The following LCT variants were observed in gnomAD, a reference collection of about 807,000 sequenced individuals.
The protein encoded by LCT is lactase/phlorizin hydrolase.
Under a neutral mutation model 173.0 loss-of-function variants are expected in LCT, and 90 were observed. The ratio of observed to expected loss-of-function variants is 0.52; its 90% CI spans 0.44 to 0.62. The LOEUF (loss-of-function observed/expected upper bound fraction) is 0.62, where lower values mean the gene tolerates loss of function less well. LCT is among the 20% of genes least tolerant of loss of function. The pLI, the probability that LCT is intolerant of heterozygous loss-of-function variation, is 0.00. For synonymous variants in LCT, 853 were observed against 957.6 expected (o/e 0.89, Z 2.02); for missense variants, 1,864 against 2,431.4 (o/e 0.77, Z 4.91).
Position 135,807,259 on chromosome 2 carries a change from C to A in LCT, c.4042G>T (p.Ala1348Ser). The A allele has an allele frequency of 6.2e-7, 1 of 1,614,222 alleles. No individual in the cohort carries two copies. The highest frequency in any genetic ancestry group is 8.5e-7 in the Non-Finnish European group (1 of 1,180,046). ...DFNNTNRPRT[A>S]RASARYYTEV... is the part of the protein sequence containing the mutation. ...GTGTAGTACCTGGCGGAGGCTCTTG[C>A]TGTGCGAGGCCTGTTCGTGTTGTTG... The change falls in exon 9 of 17, where the codon GCA becomes TCA. Residue 1348 changes from alanine to serine, a missense_variant. Transcript: ENST00000264162.
intron 4 of LCT, chr2:135,822,430 T>A (rs1299848385): frequency 6.4e-6 from 2 of 311,534 alleles, no homozygotes; most frequent in Non-Finnish European, 1.2e-5. Flanking sequence ...AGCTCCCAGG[T>A]GATGCTAATG....
rs1330876747 is a variant in LCT at position 135,812,624 on chromosome 2, A to G, written c.2040T>C (p.Phe680=). The G allele has an allele frequency of 6.2e-7, 1 of 1,610,978 alleles. No homozygotes were observed. The highest frequency in any genetic ancestry group is 8.5e-7 in the Non-Finnish European group (1 of 1,177,310). ...GGGAGGTGTAATGCGACAGACCCAGAAAATCAGCAGAGCCTTTCAGGAGCT... is the reference window on the plus strand; with the variant it reads ...GGGAGGTGTAATGCGACAGACCCAGGAAATCAGCAGAGCCTTTCAGGAGCT... ...EKQLLKGSAD[F]LGLSHYTSRL... The change falls in exon 7 of 17, where the codon TTT becomes TTC. Residue 680 remains phenylalanine (F), a synonymous_variant. Coordinates refer to ENST00000264162, the MANE Select transcript of LCT (RefSeq NM_002299.4).
chr2:135,790,515 A>G lies in LCT; in HGVS notation c.5335+143T>C. 1.6e-6 allele frequency: 1 copy of G among 643,114 alleles called. No individual in the cohort carries two copies. Among genetic ancestry groups the G allele is most frequent in the Non-Finnish European group, 2.8e-6 (1 of 362,616 alleles). The allele number at this position is 643,114 out of a possible 1,614,324, so 39.8% of individuals were successfully genotyped here. A position where few individuals can be genotyped will look rare whatever the true frequency, so the allele number is the denominator to read the frequency against. The stretch of plus-strand genomic sequence containing the variant: ...AAAAAAACTCAGAGTGCGGCCCTAA[A>G]GCAAAGCTTAACCCCCACAGGAGCA... On this transcript the variant is annotated intron_variant, in intron 15 of 16. Transcript: ENST00000264162. This position sits in a 1 kb window ranked among gnomAD's most constrained non-coding sequence, Gnocchi z 4.1.
intron 3 of LCT, among the ~76,000 whole-genome samples, chr2:135,829,014 A>C (rs2077910189): frequency 1.3e-5 from 2 of 152,114 alleles, no homozygotes; most frequent in Non-Finnish European, 2.9e-5. Context: ...AACATGGTGA[A>C]TCCTTGCCTC....
At chr2:135,789,897 G>T (rs756373932) in intron 15 of LCT, 99 bp from the exon 16 acceptor site, 2 of 907,742 alleles carry the variant, frequency 2.2e-6, no homozygotes, top group Non-Finnish European at 1.9e-6. Context: ...TCTCCCCACC[G>T]CCTTCACAGA....
rs2077552405 is a variant in LCT, at chr2:135,793,718, T to TA, written c.5111+922dup. Among the ~76,000 whole-genome samples the TA allele has an allele frequency of 1.3e-5, 2 of 152,004 alleles. 1 individual carries two copies. Reference sequence around the variant, plus strand: ...AGGTGAAAATTAACTTAGAGAAATTTAAAAAACAATACAGGATATGGATGA... The same window carrying TA: ...AGGTGAAAATTAACTTAGAGAAATTTAAAAAAACAATACAGGATATGGATGA... On this transcript the variant is annotated intron_variant, in intron 14 of 16. Transcript: ENST00000264162.
At position 135,836,576 on chromosome 2, in the gene LCT, G is replaced by A. The variant is rs532311405; in HGVS notation, c.594C>T (p.Ala198=). ...GGTAAATCTCATAGGCTTTTCTGTG[G>A]GCATCACTGAGGGTCTGGAGTTGTG... ...RASQLQTLSD[A]HRKAYEIYHE... The change falls in exon 1 of 17, where the codon GCC becomes GCT. Residue 198 remains alanine, a synonymous_variant. Coordinates refer to ENST00000264162, the MANE Select transcript of LCT (RefSeq NM_002299.4). 4 of 1,613,988 alleles carry A rather than the reference G, an allele frequency of 2.5e-6. No homozygotes were observed. The highest frequency in any genetic ancestry group is 4.5e-5 in the East Asian group (2 of 44,872).
chr2:135,808,968 G>A lies in LCT; in HGVS notation c.3379C>T (p.His1127Tyr), dbSNP rs758050917. Reference protein sequence around the residue: ...KGVISLSLSTHWAEPKSPGVP... With the variant: ...KGVISLSLSTYWAEPKSPGVP... ...CCTGGTGACTTGGGCTCTGCCCAGT[G>A]TGTACTGAGGCTCAGCGAGATGACC... is the stretch of plus-strand genomic sequence containing the variant. Residue 1127 changes from histidine (H) to tyrosine (Y), a missense_variant, in exon 8 of 17, where the codon CAC becomes TAC. This residue lies in a region of LCT where 755 missense variants were observed against 926.3 expected (regional missense o/e 0.82). Coordinates refer to ENST00000264162, the MANE Select transcript of LCT (RefSeq NM_002299.4). The A allele has an allele frequency of 6.2e-7, 1 of 1,613,124 alleles. No homozygotes were observed. The highest frequency in any genetic ancestry group is 8.5e-7 in the Non-Finnish European group (1 of 1,179,252).
chr2:135,798,190 G>A (rs1208224378), intron 12 of LCT, 52 bp from the exon 13 acceptor site: 2 of 944,926 alleles, frequency 2.1e-6, no homozygotes, highest in Admixed American at 3.4e-5. Flanking sequence ...GGCACAGCAA[G>A]AGACAGCATC....
rs569809113 is a variant in LCT at position 135,817,588 on chromosome 2, G to A, written c.1460C>T (p.Ala487Val). 1.2e-5 allele frequency: 20 copies of A among 1,614,054 alleles called. No individual in the cohort carries two copies. The highest frequency in any genetic ancestry group is 5.5e-5 in the South Asian group (5 of 91,082). ...YNKLIDRLQD[A>V]GIEPMATLFH... The stretch of plus-strand genomic sequence containing the variant: ...CAGCGTGGCCATGGGCTCGATGCCC[G>A]CATCCTGTAGCCTGTCAATCAGCTT... Residue 487 changes from alanine to valine, a missense_variant, in exon 6 of 17, where the codon GCG becomes GTG. Coordinates refer to ENST00000264162, the MANE Select transcript of LCT (RefSeq NM_002299.4).
At position 135,817,742 on chromosome 2, in the gene LCT, C is replaced by A. The variant is rs1388191739; in HGVS notation, c.1306G>T (p.Val436Leu). Residue 436 changes from valine to leucine, a missense_variant, in exon 6 of 17, where the codon GTA becomes TTA. By Grantham distance (32) the Val-to-Leu change is conservative (BLOSUM62 1). Around this residue, in one of 4 missense-constraint regions of LCT, gnomAD observed 183 missense variants for 293.1 expected, o/e 0.62. Coordinates refer to ENST00000264162, the MANE Select transcript of LCT (RefSeq NM_002299.4). Reference protein sequence around the residue: ...LEVASDSYHKVASDVALLCGL... With the variant: ...LEVASDSYHKLASDVALLCGL... Reference sequence around the variant, plus strand: ...CAAAGCAGGGCGACGTCAGAGGCTACCTTGTGGTAACTGTCGCTGGCCACC... The same window carrying A: ...CAAAGCAGGGCGACGTCAGAGGCTAACTTGTGGTAACTGTCGCTGGCCACC... The A allele has an allele frequency of 6.2e-7, 1 of 1,613,916 alleles. No individual in the cohort carries two copies. The highest frequency in any genetic ancestry group is 1.3e-5 in the African/African-American group (1 of 74,928).
At chr2:135,798,178 TG>T in intron 12 of LCT, 40 bp from the exon 13 acceptor site, 2 of 1,066,182 alleles carry the variant, frequency 1.9e-6, no homozygotes, top group Non-Finnish European at 3.0e-6. Context: ...GCGTTACAGG[TG>T]GGCACAGCAA....
chr2:135,815,983 G>A (rs2077778539), intron 6 of LCT, among the ~76,000 whole-genome samples: 2 of 152,152 alleles, frequency 1.3e-5, no homozygotes, highest in African/African-American at 2.4e-5. Flanking sequence ...TTACAGGCGT[G>A]AGCCACCATG....
chr2:135,825,688 C>T (rs903539170), intron 3 of LCT, among the ~76,000 whole-genome samples: 3 of 152,188 alleles, frequency 2.0e-5, no homozygotes, highest in Non-Finnish European at 4.4e-5. Flanking sequence ...TTCTCAGGCC[C>T]TCAGACAGCT....
In LCT at chr2:135,804,753, A is replaced by G. The variant is rs1234345489; in HGVS notation, c.4464+14T>C. 6.2e-7 allele frequency: 1 copy of G among 1,612,270 alleles called. No individual in the cohort carries two copies. The highest frequency in any genetic ancestry group is 2.2e-5 in the East Asian group (1 of 44,894). On this transcript the variant is annotated intron_variant, in intron 10 of 16. Transcript: ENST00000264162. ...ATGTGGACTTTCCCAAGGCCTTGCC[A>G]GGACCCACCATACCTGGGGCTGGAT...
intron 3 of LCT, among the ~76,000 whole-genome samples, chr2:135,826,678 A>G (rs1360760070): frequency 6.6e-6 from 1 of 152,226 alleles, no homozygotes; most frequent in African/African-American, 2.4e-5. Context: ...TCCGCACAAC[A>G]GAGATGGTTT....
chr2:135,809,394 G>GGA lies in LCT; in HGVS notation c.2951_2952dup (p.Pro985SerfsTer20), dbSNP rs1471636942. 6.2e-7 allele frequency: 1 copy of GGA among 1,614,080 alleles called. No homozygotes were observed. The highest frequency in any genetic ancestry group is 1.3e-5 in the African/African-American group (1 of 74,928). On this transcript the variant is annotated frameshift_variant, in exon 8 of 17. Transcript: ENST00000264162. LOFTEE classifies it high-confidence loss of function. This position sits in a 1 kb window ranked among gnomAD's most constrained non-coding sequence, Gnocchi z 5.5. The stretch of plus-strand genomic sequence containing the variant: ...TTGATAGAGCTGTTTCTCCCAGTTG[G>GGA]GAAAATCCGAGACCAGGAGATAGAG...
chr2:135,807,070 GA>G, intron 9 of LCT, 57 bp downstream of exon 9: 1 of 1,597,336 alleles, frequency 6.3e-7, no homozygotes, highest in Non-Finnish European at 8.6e-7. Context: ...ACTGAGCCCA[GA>G]GCCTGGCACA....
chr2:135,796,065 A>C (rs2077579439), intron 13 of LCT, among the ~76,000 whole-genome samples: 1 of 152,166 alleles, frequency 6.6e-6, no homozygotes, highest in South Asian at 2.1e-4. Flanking sequence ...TGGCTTCTTA[A>C]CCTGTAGATG....
Sources: allele counts gnomAD v4.1 joint callset (sites outside exome capture counted in the v4.1 genomes callset), GRCh38; gene constraint gnomAD v4.1.1; regional missense constraint gnomAD v4.1.1; non-coding constraint Gnocchi (gnomAD v3.1); transcripts MANE v1.5; gene names NCBI Gene and HGNC (gene_info 2026-07-23, HGNC 2026-07-21).